The following ATP10B variants were observed in gnomAD, a reference collection of about 807,000 sequenced individuals.
ATP10B encodes the protein ATPase phospholipid transporting 10B (putative), also known as phospholipid-transporting ATPase VB.
ATP10B carries 122 observed loss-of-function variants against 141.2 expected under a neutral mutation model. The ratio of observed to expected loss-of-function variants is 0.86; its 90% CI spans 0.75 to 1.00. The LOEUF is 1.00. ATP10B is among the 50% of genes least tolerant of loss of function. ATP10B has a pLI of 0.00. For missense variants in ATP10B, 1,876 were observed against 1,825.3 expected (o/e 1.03, Z -0.51); for synonymous variants, 685 against 692.0 (o/e 0.99, Z 0.16).
At position 160,612,887 on chromosome 5, in the gene ATP10B, G is replaced by A; in HGVS notation, c.2692C>T (p.Pro898Ser). Residue 898 changes from proline (P) to serine (S), a missense_variant, in exon 18 of 26, where the codon CCA (proline) becomes TCA (serine). Transcript: ENST00000327245. Reference protein sequence around the residue: ...GIEDRLQEGVPDTIATLREAG... With the variant: ...GIEDRLQEGVSDTIATLREAG... The stretch of plus-strand genomic sequence containing the variant: ...TCCCGCAGAGTGGCAATCGTATCTG[G>A]AACTCCTTCCTGCAGCCGGTCTTCG... 1 of 1,613,852 alleles carries A rather than the reference G, an allele frequency of 6.2e-7. No individual in the cohort carries two copies. Among genetic ancestry groups the A allele is most frequent in the Non-Finnish European group, 8.5e-7 (1 of 1,179,896 alleles).
chr5:160,689,073 C>T (rs905151956), intron 3 of ATP10B, 130 bp from the exon 4 acceptor site: 3 of 260,590 alleles, frequency 1.2e-5, no homozygotes, highest in Admixed American at 6.5e-5. Flanking sequence ...GCTGGTTCAA[C>T]ATACACAAAT....
the ATP10B span, among the ~76,000 whole-genome samples, chr5:160,919,086 T>G: frequency 6.7e-6 from 1 of 149,774 alleles, no homozygotes; most frequent in African/African-American, 2.5e-5. Flanking sequence ...TAGCCGGGCA[T>G]GGTGGCGCGC....
At chr5:160,604,889 C>T (rs1757296886) in intron 19 of ATP10B, among the ~76,000 whole-genome samples, 2 of 152,184 alleles carry the variant, frequency 1.3e-5, no homozygotes, top group African/African-American at 4.8e-5. Flanking sequence ...ACAGATAGCT[C>T]TATACAGTGA....
At chr5:160,580,672 T>G (rs2127601191) in intron 24 of ATP10B, among the ~76,000 whole-genome samples, 1 of 152,358 alleles carries the variant, frequency 6.6e-6, no homozygotes, top group East Asian at 1.9e-4. Flanking sequence ...GCTGGCTTCA[T>G]AAAATGAGTT....
intron 25 of ATP10B, among the ~76,000 whole-genome samples, chr5:160,568,168 G>T (rs1243188406): frequency 6.6e-6 from 1 of 152,128 alleles, no homozygotes; most frequent in Non-Finnish European, 1.5e-5. Flanking sequence ...AGTTTCCTCA[G>T]ACTTAATATG....
chr5:160,928,757 G>A, the ATP10B span, among the ~76,000 whole-genome samples: 1 of 152,226 alleles, frequency 6.6e-6, no homozygotes, highest in Admixed American at 6.5e-5. Context: ...TCAAGTTCTT[G>A]CATAGTGATT....
Position 160,685,231 on chromosome 5 carries a change from T to A in ATP10B, c.470+848A>T, listed in dbSNP as rs559016209. On this transcript the variant is annotated intron_variant, in intron 6 of 25. Coordinates refer to ENST00000327245, the MANE Select transcript of ATP10B (RefSeq NM_025153.3). ...CCCTTCCTTTTTCATCTCTGCTCAA[T>A]GTTGTCTTTTTAATTCTCATAATTT... 22 of 571,188 alleles carry A rather than the reference T, an allele frequency of 3.9e-5. No individual in the cohort carries two copies. In the South Asian group the frequency reaches 4.7e-4, roughly 12 times the overall value. The allele number at this position is 571,188 out of a possible 1,614,324, so 35.4% of individuals were successfully genotyped here. A position where few individuals can be genotyped will look rare whatever the true frequency, so the allele number is the denominator to read the frequency against.
intron 1 of ATP10B, among the ~76,000 whole-genome samples, chr5:160,787,385 C>T (rs1048631236): frequency 6.6e-6 from 1 of 152,116 alleles, no homozygotes; most frequent in African/African-American, 2.4e-5. Context: ...GTGTTTTCAA[C>T]CCCTGCCCTA....
the ATP10B span, among the ~76,000 whole-genome samples, chr5:160,888,164 G>A: frequency 6.6e-6 from 1 of 152,218 alleles, no homozygotes. Context: ...ACAAGAAGGG[G>A]TAATCCTGGC....
chr5:160,797,645 A>G (rs1772043071), intron 1 of ATP10B, among the ~76,000 whole-genome samples: 1 of 152,230 alleles, frequency 6.6e-6, no homozygotes, highest in Non-Finnish European at 1.5e-5. Context: ...GAGGGACTGC[A>G]TAAGATGCTG....
intron 3 of ATP10B, among the ~76,000 whole-genome samples, chr5:160,697,407 A>T (rs931998149): frequency 1.3e-5 from 2 of 152,216 alleles, no homozygotes; most frequent in African/African-American, 4.8e-5. Flanking sequence ...ACTCAGCTAC[A>T]GGCATCTACA....
At chr5:160,817,728 A>G (rs528005678) in intron 1 of ATP10B, among the ~76,000 whole-genome samples, 1 of 152,336 alleles carries the variant, frequency 6.6e-6, no homozygotes, top group East Asian at 1.9e-4. Flanking sequence ...TGGAGGCATC[A>G]CGCTACCTGA....
At chr5:160,845,416 A>AG (rs1327081750) in intron 1 of ATP10B, among the ~76,000 whole-genome samples, 2 of 152,082 alleles carry the variant, frequency 1.3e-5, no homozygotes, top group East Asian at 3.9e-4. Context: ...ATTTGTGAAA[A>AG]GGGAGAGGGT....
In ATP10B at chr5:160,792,099, T is replaced by C. The variant is rs75306758; in HGVS notation, c.-575-6296A>G. ...TCCAATAAGTTTTCCTAAATTCTAC[T>C]CAGAGGAAATAAATCCCCCCCTCCC... On this transcript the variant is annotated intron_variant, in intron 1 of 25. Transcript: ENST00000327245. 4.1e-3 allele frequency among the ~76,000 whole-genome samples: 618 copies of C among 152,224 alleles called. 5 individuals are homozygous for C. The highest frequency in any genetic ancestry group is 0.014 in the African/African-American group (596 of 41,540).
chr5:160,771,875 C>T (rs1246043708), intron 2 of ATP10B, among the ~76,000 whole-genome samples: 1 of 152,190 alleles, frequency 6.6e-6, no homozygotes, highest in Non-Finnish European at 1.5e-5. Context: ...CGGTTCCATA[C>T]TATTCTAGGT....
At chr5:160,682,592 G>A (rs560007940) in intron 6 of ATP10B, among the ~76,000 whole-genome samples, 2 of 152,268 alleles carry the variant, frequency 1.3e-5, no homozygotes, top group South Asian at 4.1e-4. Context: ...TTCTGGCAGA[G>A]CGAGGAGAAC....
At chr5:160,830,152 G>A (rs796844868) in intron 1 of ATP10B, among the ~76,000 whole-genome samples, 2 of 152,002 alleles carry the variant, frequency 1.3e-5, no homozygotes, top group Non-Finnish European at 2.9e-5. Context: ...TATCATGAAG[G>A]GATGTTGGAT....
Position 160,783,428 on chromosome 5 carries a change from GGATAGATATATCCATCAC to G in ATP10B, c.-331+2113_-331+2130del, listed in dbSNP as rs1179925244. The stretch of plus-strand genomic sequence containing the variant: ...TATATCTATCCATGGATATATCCAT[GGATAGATATATCCATCAC>G]ATATATATATATATATCATATATAT... On this transcript the variant is annotated intron_variant, in intron 2 of 25. Transcript: ENST00000327245. Among the ~76,000 whole-genome samples the G allele has an allele frequency of 7.2e-5, 6 of 83,196 alleles. No individual in the cohort carries two copies. In the East Asian group the frequency reaches 2.0e-3, roughly 27 times the overall value. 54.6% of individuals were successfully genotyped at this position (83,196 alleles called of 152,430 possible).
At chr5:160,845,190 A>G (rs1241585884) in intron 1 of ATP10B, among the ~76,000 whole-genome samples, 1 of 152,180 alleles carries the variant, frequency 6.6e-6, no homozygotes, top group African/African-American at 2.4e-5. Flanking sequence ...AATTATCACT[A>G]TGTGACTCTA....
Sources: gnomAD v4.1 joint callset for allele counts (sites outside exome capture counted in the v4.1 genomes callset) on GRCh38, gnomAD v4.1.1 for gene constraint, MANE v1.5 for transcripts, NCBI Gene and HGNC (gene_info 2026-07-23, HGNC 2026-07-21) for gene names.